Variants in NRXN1 observed in about 807,000 individuals in gnomAD.
NRXN1 encodes the protein neurexin-1.
NRXN1 carries 39 observed loss-of-function variants against 150.9 expected under a neutral mutation model. That is an observed-to-expected ratio of 0.26 (90% CI 0.20 to 0.34). NRXN1 has a LOEUF of 0.34. Ranked by LOEUF, NRXN1 falls within the 10% of genes least tolerant of loss-of-function variation. The pLI, the probability that NRXN1 is intolerant of heterozygous loss-of-function variation, is 1.00. For missense variants in NRXN1, 1,815 were observed against 1,949.9 expected, an observed-to-expected ratio of 0.93 and a Z score of 1.30; for synonymous variants, 924 against 757.0, an observed-to-expected ratio of 1.22 and a Z score of -3.62.
At chr2:49,992,465 A>C (rs1682161381) in intron 21 of NRXN1, among the ~76,000 whole-genome samples, 1 of 152,116 alleles carries the variant, frequency 6.6e-6, no homozygotes, top group South Asian at 2.1e-4. Flanking sequence ...CTATAGTCCC[A>C]GCTAGTCGGG....
At chr2:50,923,331 A>T (rs1686364412) in intron 3 of NRXN1, 2 of 238,540 alleles carry the variant, frequency 8.4e-6, no homozygotes. Flanking sequence ...GTCAGCTGCA[A>T]ATACACTAAA....
intron 17 of NRXN1, among the ~76,000 whole-genome samples, chr2:50,282,228 T>C (rs1285200525): frequency 6.6e-6 from 1 of 152,112 alleles, no homozygotes; most frequent in Admixed American, 6.5e-5. Context: ...GATTTTGAAA[T>C]TTACCACTTA....
intron 18 of NRXN1, among the ~76,000 whole-genome samples, chr2:50,095,024 C>T (rs1274909546): frequency 3.3e-5 from 5 of 152,140 alleles, no homozygotes; most frequent in Admixed American, 2.6e-4. Context: ...TTTATGTCTT[C>T]TTTCTTCTGC....
intron 17 of NRXN1, among the ~76,000 whole-genome samples, chr2:50,246,775 A>C (rs1419182957): frequency 6.6e-6 from 1 of 152,096 alleles, no homozygotes; most frequent in Non-Finnish European, 1.5e-5. Flanking sequence ...ATTCCAGCCA[A>C]GGTTAATTCT....
rs1667928997 is a variant in NRXN1 at position 49,920,079 on chromosome 2, T to G, written c.*1865A>C. 6.6e-6 allele frequency: 1 copy of G among 152,092 alleles called. No homozygotes were observed. Among genetic ancestry groups the G allele is most frequent in the Non-Finnish European group, 1.5e-5 (1 of 68,026 alleles). 9.4% of individuals were successfully genotyped at this position (152,092 alleles called of 1,614,324 possible). On this transcript the variant is annotated 3_prime_UTR_variant, in exon 23 of 23. Coordinates refer to ENST00000401669, the MANE Select transcript of NRXN1 (RefSeq NM_001330078.2). ...GTAATAATGCATTTTTTGCACTACC[T>G]TCTCATATTAGTAATTTATTGCTGT...
chr2:50,586,176 C>T (rs1319851500), intron 8 of NRXN1, among the ~76,000 whole-genome samples: 4 of 152,146 alleles, frequency 2.6e-5, no homozygotes, highest in Non-Finnish European at 5.9e-5. Context: ...GGTGTTTGCA[C>T]TTGCTGTTCT....
chr2:50,877,235 A>G (rs1473917919), intron 5 of NRXN1, among the ~76,000 whole-genome samples: 4 of 151,726 alleles, frequency 2.6e-5, no homozygotes, highest in Admixed American at 6.6e-5. Flanking sequence ...ACACACATAC[A>G]TATCTACACA....
intron 12 of NRXN1, among the ~76,000 whole-genome samples, chr2:50,519,563 C>G (rs1292479221): frequency 1.3e-5 from 2 of 151,892 alleles, no homozygotes; most frequent in African/African-American, 2.4e-5. Flanking sequence ...GTGAAGGTTC[C>G]TTGGAACTGG....
chr2:50,507,397 C>A (rs1011931502), intron 12 of NRXN1, among the ~76,000 whole-genome samples: 1 of 151,270 alleles, frequency 6.6e-6, no homozygotes, highest in Admixed American at 6.6e-5. Flanking sequence ...TAGGCACAGC[C>A]AATAAAGGGC....
At chr2:50,436,463 A>G (rs913704520) in intron 17 of NRXN1, among the ~76,000 whole-genome samples, 1 of 152,212 alleles carries the variant, frequency 6.6e-6, no homozygotes, top group Non-Finnish European at 1.5e-5. Context: ...CAAGGAAAAA[A>G]AAAAAAAATA....
intron 3 of NRXN1, chr2:50,923,302 G>A: frequency 1.1e-5 from 2 of 186,510 alleles, no homozygotes; most frequent in South Asian, 8.9e-5. Context: ...TACAAAAAAG[G>A]GTTTTTAAGA....
At chr2:50,024,057 G>A (rs1372699307) in intron 21 of NRXN1, 1 of 152,150 alleles carries the variant, frequency 6.6e-6, no homozygotes, top group African/African-American at 2.4e-5. Context: ...AAATCAAGTA[G>A]TTATTCATCC....
chr2:51,015,383 G>T lies in NRXN1; in HGVS notation c.772+12119C>A, dbSNP rs1668501881. On this transcript the variant is annotated intron_variant, in intron 2 of 22. Transcript: ENST00000401669. ...GAAGACACTCAGAATTGTGTATTTG[G>T]CTCCAGTTCAAATTGTTATTGTCTC... Among the ~76,000 whole-genome samples the T allele has an allele frequency of 2.0e-5, 3 of 151,906 alleles. No individual in the cohort carries two copies. In the South Asian group the frequency reaches 6.2e-4, roughly 32 times the overall value.
intron 17 of NRXN1, among the ~76,000 whole-genome samples, chr2:50,453,212 A>T (rs1477445939): frequency 1.3e-5 from 2 of 148,270 alleles, no homozygotes; most frequent in Non-Finnish European, 3.0e-5. Flanking sequence ...GTAAGGGTAT[A>T]TTAGAATCAT....
chr2:50,989,054 G>A (rs562004820), intron 2 of NRXN1, among the ~76,000 whole-genome samples: 4 of 151,902 alleles, frequency 2.6e-5, no homozygotes, highest in African/African-American at 9.6e-5. Flanking sequence ...CGTCCTGAGA[G>A]ATATTTTTCT....
At chr2:50,261,573 C>T (rs1201616191) in intron 17 of NRXN1, among the ~76,000 whole-genome samples, 1 of 151,694 alleles carries the variant, frequency 6.6e-6, no homozygotes, top group African/African-American at 2.4e-5. Context: ...AACTCTAATG[C>T]CCTAGGTTAT....
intron 8 of NRXN1, among the ~76,000 whole-genome samples, chr2:50,599,000 G>A (rs1166529359): frequency 3.3e-5 from 5 of 151,960 alleles, no homozygotes; most frequent in African/African-American, 1.2e-4. Context: ...TCGAACTCCT[G>A]ACCTAAAGTG....
intron 5 of NRXN1, among the ~76,000 whole-genome samples, chr2:50,901,526 G>GT (rs536540580): frequency 1.4e-4 from 22 of 152,064 alleles, no homozygotes; most frequent in Non-Finnish European, 2.9e-4. Context: ...GACAGAGCGA[G>GT]ACTCCGTCCC....
chr2:50,891,180 G>A (rs1681003694), intron 5 of NRXN1, among the ~76,000 whole-genome samples: 1 of 151,990 alleles, frequency 6.6e-6, no homozygotes, highest in African/African-American at 2.4e-5. Context: ...CTATGCTTCT[G>A]TCTTTCAATA....
Sources: gnomAD v4.1 joint callset for allele counts (sites outside exome capture counted in the v4.1 genomes callset) on GRCh38, gnomAD v4.1.1 for gene constraint, MANE v1.5 for transcripts, NCBI Gene and HGNC (gene_info 2026-07-23, HGNC 2026-07-21) for gene names.